Variants in PTPRD observed in about 807,000 individuals in gnomAD.
The protein encoded by PTPRD is receptor-type tyrosine-protein phosphatase delta.
Under a neutral mutation model 214.5 loss-of-function variants are expected in PTPRD, and 34 were observed. The observed-to-expected ratio is 0.16, with a 90% confidence interval of 0.12 to 0.21. The LOEUF (loss-of-function observed/expected upper bound fraction) is 0.21, where lower values mean the gene tolerates loss of function less well. Ranked by LOEUF, PTPRD falls within the 10% of genes least tolerant of loss-of-function variation. The pLI is 1.00. For missense variants in PTPRD, 2,545 were observed against 2,398.7 expected (o/e 1.06, Z -1.27); for synonymous variants, 1,128 against 845.7 (o/e 1.33, Z -5.79).
intron 9 of PTPRD, among the ~76,000 whole-genome samples, chr9:9,385,623 C>T (rs1281364233): frequency 6.6e-6 from 1 of 152,066 alleles, no homozygotes; most frequent in Non-Finnish European, 1.5e-5. Context: ...TGTGTGGATG[C>T]CCAGACTGGA....
chr9:9,445,491 G>A (rs955124672), intron 8 of PTPRD, among the ~76,000 whole-genome samples: 1 of 152,142 alleles, frequency 6.6e-6, no homozygotes, highest in African/African-American at 2.4e-5. Context: ...ATAAATGAAA[G>A]AGGTTTAATT....
chr9:8,564,563 G>A (rs1018963381), intron 14 of PTPRD, among the ~76,000 whole-genome samples: 4 of 152,134 alleles, frequency 2.6e-5, no homozygotes, highest in African/African-American at 9.7e-5. Context: ...TTAGCCAGAT[G>A]TGGTAGTGCG....
At chr9:10,215,686 A>G (rs2099538009) in intron 3 of PTPRD, among the ~76,000 whole-genome samples, 1 of 152,064 alleles carries the variant, frequency 6.6e-6, no homozygotes, top group Admixed American at 6.6e-5. Context: ...ATATCAATAA[A>G]TATGTGAGAA....
intron 11 of PTPRD, among the ~76,000 whole-genome samples, chr9:8,896,980 C>T (rs903077144): frequency 3.3e-5 from 5 of 152,122 alleles, no homozygotes; most frequent in Non-Finnish European, 5.9e-5. Flanking sequence ...GAATAAATGC[C>T]TCTTTCTAAA....
At chr9:9,983,232 G>C (rs1398064807) in intron 4 of PTPRD, among the ~76,000 whole-genome samples, 1 of 152,164 alleles carries the variant, frequency 6.6e-6, no homozygotes. Context: ...GCCCCATTCT[G>C]GGCAGAGTTC....
At chr9:10,554,145 T>G (rs2061956695) in intron 2 of PTPRD, among the ~76,000 whole-genome samples, 1 of 152,204 alleles carries the variant, frequency 6.6e-6, no homozygotes, top group African/African-American at 2.4e-5. Flanking sequence ...GACCTTTTAG[T>G]GTATAACTCA....
chr9:9,135,770 T>C (rs1333971998), intron 10 of PTPRD, among the ~76,000 whole-genome samples: 1 of 152,156 alleles, frequency 6.6e-6, no homozygotes, highest in Admixed American at 6.5e-5. Context: ...TTTTGTTACA[T>C]ACTTTTTAAT....
intron 14 of PTPRD, among the ~76,000 whole-genome samples, chr9:8,574,010 G>A (rs1461642428): frequency 1.3e-5 from 2 of 151,766 alleles, no homozygotes; most frequent in East Asian, 3.9e-4. Flanking sequence ...GGAAGAAATG[G>A]CAGTTCCAGG....
intron 9 of PTPRD, among the ~76,000 whole-genome samples, chr9:9,228,058 G>A (rs1231482028): frequency 1.3e-5 from 2 of 152,152 alleles, no homozygotes; most frequent in Non-Finnish European, 2.9e-5. Context: ...AGTTGGTCAT[G>A]TTAGCTGAAA....
In PTPRD at chr9:8,715,387, T is replaced by G. The variant is rs557554790; in HGVS notation, c.64+18393A>C. 5.1e-4 allele frequency among the ~76,000 whole-genome samples: 77 copies of G among 152,284 alleles called. 2 individuals are homozygous for G. The highest frequency in any genetic ancestry group is 1.8e-3 in the African/African-American group (75 of 41,564). ...GCTACAGGAGTGCACAGACCCTACC[T>G]GTTCCCATCTTGCCATCATACCACC... On this transcript the variant is annotated intron_variant, in intron 12 of 45. Transcript: ENST00000381196.
At chr9:9,266,901 A>C (rs1940048016) in intron 9 of PTPRD, among the ~76,000 whole-genome samples, 1 of 151,246 alleles carries the variant, frequency 6.6e-6, no homozygotes, top group African/African-American at 2.4e-5. Flanking sequence ...AGGAGCTAGA[A>C]AAAGAAAACT....
chr9:9,807,787 G>T (rs1264372265), intron 5 of PTPRD, among the ~76,000 whole-genome samples: 1 of 152,116 alleles, frequency 6.6e-6, no homozygotes, highest in African/African-American at 2.4e-5. Flanking sequence ...TACTCATGAT[G>T]CTAACATCAT....
At chr9:9,955,914 G>T (rs1231673709) in intron 4 of PTPRD, among the ~76,000 whole-genome samples, 1 of 152,106 alleles carries the variant, frequency 6.6e-6, no homozygotes, top group Non-Finnish European at 1.5e-5. Context: ...AACAGTATCA[G>T]AAGGACTACT....
intron 5 of PTPRD, among the ~76,000 whole-genome samples, chr9:9,905,521 C>G (rs1268716591): frequency 2.6e-5 from 4 of 151,846 alleles, no homozygotes; most frequent in Non-Finnish European, 5.9e-5. Flanking sequence ...CAGTCAGATA[C>G]TTATCTTAAA....
At chr9:9,193,160 T>C (rs1386641340) in intron 9 of PTPRD, among the ~76,000 whole-genome samples, 1 of 152,184 alleles carries the variant, frequency 6.6e-6, no homozygotes, top group East Asian at 1.9e-4. Context: ...TTAAATATTT[T>C]ATATTTTTAT....
chr9:9,675,660 A>C (rs911282007), intron 7 of PTPRD, among the ~76,000 whole-genome samples: 4 of 151,974 alleles, frequency 2.6e-5, no homozygotes, highest in African/African-American at 9.7e-5. Context: ...AATTCTATGA[A>C]ATTAGCACCA....
chr9:10,082,398 G>A (rs770442616), intron 3 of PTPRD, among the ~76,000 whole-genome samples: 1 of 152,062 alleles, frequency 6.6e-6, no homozygotes, highest in South Asian at 2.1e-4. Flanking sequence ...AAGAGTTGCT[G>A]CTTTGACATT....
chr9:10,018,095 A>G (rs1163093334), intron 4 of PTPRD, among the ~76,000 whole-genome samples: 1 of 152,058 alleles, frequency 6.6e-6, no homozygotes, highest in Non-Finnish European at 1.5e-5. Context: ...CTAGATTATT[A>G]GGTTATGAAA....
chr9:8,585,782 T>C (rs945541969), intron 14 of PTPRD, among the ~76,000 whole-genome samples: 1 of 152,222 alleles, frequency 6.6e-6, no homozygotes, highest in African/African-American at 2.4e-5. Flanking sequence ...GCCAGGCACT[T>C]CTGATTTCTC....
Sources: gnomAD v4.1 joint callset for allele counts (sites outside exome capture counted in the v4.1 genomes callset) on GRCh38, gnomAD v4.1.1 for gene constraint, MANE v1.5 for transcripts, NCBI Gene and HGNC (gene_info 2026-07-23, HGNC 2026-07-21) for gene names.